GPR15LG: variants seen among roughly 807,000 people sequenced by gnomAD.
GPR15LG encodes protein GPR15LG.
chr10:84,178,578 C>T, the GPR15LG span, among the ~76,000 whole-genome samples: 6 of 151,936 alleles, frequency 3.9e-5, no homozygotes, highest in Admixed American at 3.9e-4. Context: ...TACACACACA[C>T]ACTACACAAC....
At chr10:84,176,946 A>G in the GPR15LG span, among the ~76,000 whole-genome samples, 1 of 151,992 alleles carries the variant, frequency 6.6e-6, no homozygotes, top group East Asian at 1.9e-4. Flanking sequence ...GAAGGGCAAG[A>G]GTGGGGTATG....
At chr10:84,185,088 A>G in the GPR15LG span, 1 of 1,177,676 alleles carries the variant, frequency 8.5e-7, no homozygotes, top group Non-Finnish European at 1.1e-6. Flanking sequence ...CAATCCTGCT[A>G]GAGTGCAGGG....
the GPR15LG span, among the ~76,000 whole-genome samples, chr10:84,183,406 G>C: frequency 1.3e-5 from 2 of 152,164 alleles, no homozygotes; most frequent in Non-Finnish European, 2.9e-5. Context: ...GAAGGAGAAA[G>C]AATAATCTCA....
chr10:84,183,395 A>T, the GPR15LG span, among the ~76,000 whole-genome samples: 1 of 152,240 alleles, frequency 6.6e-6, no homozygotes, highest in East Asian at 1.9e-4. Flanking sequence ...ATCTGAAAAC[A>T]GAAGGAGAAA....
chr10:84,185,050 C>T, the GPR15LG span: 109 of 1,247,986 alleles, frequency 8.7e-5, 1 homozygote, highest in South Asian at 1.4e-3. Context: ...CCACCATGAC[C>T]GGTCACAGCT....
At chr10:84,173,820 C>T in the GPR15LG span, 49 of 1,541,142 alleles carry the variant, frequency 3.2e-5, no homozygotes, top group Non-Finnish European at 4.3e-5. Context: ...GCACAGCTCC[C>T]TTCCCAGGAC....
At chr10:84,180,275 C>G in the GPR15LG span, among the ~76,000 whole-genome samples, 1 of 152,278 alleles carries the variant, frequency 6.6e-6, no homozygotes, top group African/African-American at 2.4e-5. Context: ...CCTATGTCTA[C>G]TTCTTTCTAC....
At chr10:84,179,946 C>T in the GPR15LG span, among the ~76,000 whole-genome samples, 30 of 148,332 alleles carry the variant, frequency 2.0e-4, no homozygotes, top group African/African-American at 7.0e-4. Context: ...TTGGCAGGGT[C>T]ATAGGACAAT....
chr10:84,179,190 A>C, the GPR15LG span, among the ~76,000 whole-genome samples: 1 of 152,228 alleles, frequency 6.6e-6, no homozygotes, highest in Non-Finnish European at 1.5e-5. Flanking sequence ...GCTAAGCCTC[A>C]GTCTCCCCCT....
chr10:84,178,518 A>G, the GPR15LG span, among the ~76,000 whole-genome samples: 1 of 152,034 alleles, frequency 6.6e-6, no homozygotes, highest in East Asian at 1.9e-4. Context: ...ACATGCACAC[A>G]CAGACACACA....
At chr10:84,184,495 T>C in the GPR15LG span, among the ~76,000 whole-genome samples, 4 of 152,268 alleles carry the variant, frequency 2.6e-5, no homozygotes, top group African/African-American at 9.6e-5. Context: ...TGGTCTTGTT[T>C]GCCACGAAAA....
chr10:84,185,098 G>T, the GPR15LG span: 6 of 1,160,972 alleles, frequency 5.2e-6, no homozygotes, highest in Non-Finnish European at 6.4e-6. Flanking sequence ...AGAGTGCAGG[G>T]TGGCAAGCAC....
At chr10:84,174,153 T>C in the GPR15LG span, among the ~76,000 whole-genome samples, 1 of 152,196 alleles carries the variant, frequency 6.6e-6, no homozygotes, top group Non-Finnish European at 1.5e-5. Context: ...ATACCCAGCC[T>C]AAGTAAAGTG....
chr10:84,185,023 G>A, the GPR15LG span: 2 of 1,319,258 alleles, frequency 1.5e-6, no homozygotes, highest in South Asian at 3.3e-5. Flanking sequence ...CCTCTCCAGT[G>A]CAAACCACCG....
At chr10:84,173,986 G>T in the GPR15LG span, 7 of 1,291,896 alleles carry the variant, frequency 5.4e-6, no homozygotes, top group Non-Finnish European at 6.7e-6. Flanking sequence ...ACTCTGATCA[G>T]GATTTGTTGG....
chr10:84,183,373 C>CATATAGTA, the GPR15LG span, among the ~76,000 whole-genome samples: 3 of 152,214 alleles, frequency 2.0e-5, no homozygotes, highest in Non-Finnish European at 4.4e-5. Context: ...CACCACATTT[C>CATATAGTA]ATATAGTAAT....
chr10:84,177,493 G>T, the GPR15LG span, among the ~76,000 whole-genome samples: 8 of 152,228 alleles, frequency 5.3e-5, no homozygotes, highest in African/African-American at 1.9e-4. Context: ...CTCCTCTGCG[G>T]CCATGGCCCA....
At chr10:84,184,845 T>G in the GPR15LG span, 1 of 1,586,034 alleles carries the variant, frequency 6.3e-7, no homozygotes, top group Non-Finnish European at 8.5e-7. Flanking sequence ...CTGTCTCCCC[T>G]TTCAGCCTTC....
chr10:84,183,958 C>T, the GPR15LG span, among the ~76,000 whole-genome samples: 1 of 152,054 alleles, frequency 6.6e-6, no homozygotes, highest in Non-Finnish European at 1.5e-5. Context: ...ATTATCATTA[C>T]TAATTAACAA....
Sources: allele counts gnomAD v4.1 joint callset (sites outside exome capture counted in the v4.1 genomes callset), GRCh38; gene constraint gnomAD v4.1.1; transcripts MANE v1.5; gene names NCBI Gene and HGNC (gene_info 2026-07-23, HGNC 2026-07-21).